STXBP5: variants seen among roughly 807,000 people sequenced by gnomAD.
STXBP5 encodes syntaxin binding protein 5.
A neutral mutation model predicts 152.4 loss-of-function variants in STXBP5; 50 were observed. That is an observed-to-expected ratio of 0.33 (90% CI 0.26 to 0.42). The LOEUF (loss-of-function observed/expected upper bound fraction) is 0.42, where lower values mean the gene tolerates loss of function less well. Among genes scored for constraint, STXBP5 ranks in the 10% least tolerant of loss-of-function variants. The pLI, the probability that STXBP5 is intolerant of heterozygous loss-of-function variation, is 1.00. For synonymous variants in STXBP5, 492 were observed against 494.7 expected (o/e 0.99, Z 0.07); for missense variants, 1,167 against 1,388.6 (o/e 0.84, Z 2.54).
intron 8 of STXBP5, among the ~76,000 whole-genome samples, chr6:147,286,021 A>G (rs1180693923): frequency 6.6e-6 from 1 of 152,166 alleles, no homozygotes; most frequent in Non-Finnish European, 1.5e-5. Flanking sequence ...AAACATTTAA[A>G]TTTTTTACTG....
At chr6:147,216,194 C>G (rs1475053533) in intron 2 of STXBP5, among the ~76,000 whole-genome samples, 13 of 152,038 alleles carry the variant, frequency 8.6e-5, no homozygotes, top group Admixed American at 7.2e-4. Context: ...GAGTTTGAGA[C>G]CAGCCTGACC....
At position 147,284,036 on chromosome 6, in the gene STXBP5, A is replaced by G. The variant is rs568265225; in HGVS notation, c.838+5832A>G. ...AACAGGTAAAACTAATTTTAATAAC[A>G]TATTCTTTAATCCCAAATATGCAAA... is the stretch of plus-strand genomic sequence containing the variant. On this transcript the variant is annotated intron_variant, in intron 8 of 27. Coordinates refer to ENST00000321680, the MANE Select transcript of STXBP5 (RefSeq NM_001127715.4). Among the ~76,000 whole-genome samples the G allele has an allele frequency of 2.0e-3, 300 of 152,380 alleles. 2 individuals are homozygous for G. Among genetic ancestry groups the G allele is most frequent in the South Asian group, 0.014 (70 of 4,834 alleles).
chr6:147,371,199 A>G (rs1051047724), intron 25 of STXBP5, among the ~76,000 whole-genome samples: 2 of 152,122 alleles, frequency 1.3e-5, no homozygotes, highest in African/African-American at 4.8e-5. Flanking sequence ...ATACACTAGC[A>G]TTAACATGAA....
chr6:147,370,049 A>G (rs1785471033), intron 25 of STXBP5, among the ~76,000 whole-genome samples: 1 of 152,088 alleles, frequency 6.6e-6, no homozygotes, highest in African/African-American at 2.4e-5. Context: ...AGTTTATCAT[A>G]CAGTAGAATT....
At chr6:147,266,990 C>T (rs1779926465) in intron 6 of STXBP5, 94 bp from the exon 7 acceptor site, 2 of 1,003,530 alleles carry the variant, frequency 2.0e-6, no homozygotes, top group Admixed American at 2.1e-5. Flanking sequence ...ATACTCAACG[C>T]ATTTGAATGA....
At chr6:147,224,695 T>A (rs948830743) in intron 2 of STXBP5, among the ~76,000 whole-genome samples, 2 of 152,226 alleles carry the variant, frequency 1.3e-5, no homozygotes, top group African/African-American at 2.4e-5. Context: ...CTTTTATTTA[T>A]TGACTTTCAT....
At chr6:147,327,782 A>AG (rs1405581005) in intron 18 of STXBP5, among the ~76,000 whole-genome samples, 3 of 152,130 alleles carry the variant, frequency 2.0e-5, no homozygotes, top group African/African-American at 7.2e-5. Context: ...TTGCACATTG[A>AG]GAAAGAACCA....
At chr6:147,363,789 T>TGGCTCACGCC in intron 24 of STXBP5, 85 bp downstream of exon 24, 1 of 1,504,002 alleles carries the variant, frequency 6.6e-7, no homozygotes, top group East Asian at 2.3e-5. Flanking sequence ...GAAATGCTTT[T>TGGCTCACGCC]TGTGTGTGTA....
Position 147,331,826 on chromosome 6 carries a change from A to AAC in STXBP5, c.2081-2325_2081-2324dup, listed in dbSNP as rs1554215904. Among the ~76,000 whole-genome samples the AAC allele has an allele frequency of 9.8e-4, 147 of 149,528 alleles. 2 individuals carry two copies. The highest frequency in any genetic ancestry group is 3.6e-3 in the East Asian group (18 of 4,950). On this transcript the variant is annotated intron_variant, in intron 18 of 27. Coordinates refer to ENST00000321680, the MANE Select transcript of STXBP5 (RefSeq NM_001127715.4). ...CAGTTAAAAAAAAAAAAAAAAAAAA[A>AAC]ACACACAAAACTCTAAGAGTGGCAA...
chr6:147,232,519 G>A (rs1480772554), intron 2 of STXBP5, among the ~76,000 whole-genome samples: 1 of 151,726 alleles, frequency 6.6e-6, no homozygotes, highest in Non-Finnish European at 1.5e-5. Flanking sequence ...GGCAGTTTTG[G>A]TGGTAGGACC....
In STXBP5 at chr6:147,384,890, G is replaced by C; in HGVS notation, c.*135G>C. On this transcript the variant is annotated 3_prime_UTR_variant, in exon 28 of 28. Coordinates refer to ENST00000321680, the MANE Select transcript of STXBP5 (RefSeq NM_001127715.4). Reference sequence around the variant, plus strand: ...TTCTTTCCTAGCACAGTCATGCACTGTTTTACCTCAGTCATGTGGCTTTAA... The same window carrying C: ...TTCTTTCCTAGCACAGTCATGCACTCTTTTACCTCAGTCATGTGGCTTTAA... The C allele has an allele frequency of 2.3e-6, 2 of 879,152 alleles. No homozygotes were observed. Among genetic ancestry groups the C allele is most frequent in the Non-Finnish European group, 3.6e-6 (2 of 551,624 alleles). The allele number at this position is 879,152 out of a possible 1,614,324, so 54.5% of individuals were successfully genotyped here.
At chr6:147,264,789 T>C (rs556471909) in intron 6 of STXBP5, among the ~76,000 whole-genome samples, 2 of 152,120 alleles carry the variant, frequency 1.3e-5, no homozygotes, top group Non-Finnish European at 2.9e-5. Flanking sequence ...ATATTTATTA[T>C]TCTCTTGCTT....
At chr6:147,292,265 C>G (rs1781316313) in intron 9 of STXBP5, 1 of 451,054 alleles carries the variant, frequency 2.2e-6, no homozygotes, top group African/African-American at 2.0e-5. Flanking sequence ...TGTTGAGATC[C>G]AACAGATATA....
chr6:147,285,028 A>G (rs1780890331), intron 8 of STXBP5, among the ~76,000 whole-genome samples: 1 of 152,134 alleles, frequency 6.6e-6, no homozygotes, highest in African/African-American at 2.4e-5. Flanking sequence ...ACATGTATGA[A>G]TGAAATTCTG....
chr6:147,353,072 T>C (rs1266944583), intron 21 of STXBP5, among the ~76,000 whole-genome samples: 1 of 151,782 alleles, frequency 6.6e-6, no homozygotes, highest in East Asian at 2.0e-4. Context: ...TGAGCCCAGA[T>C]GATTGAGGCT....
At chr6:147,275,270 T>C (rs1042559339) in intron 7 of STXBP5, among the ~76,000 whole-genome samples, 2 of 152,138 alleles carry the variant, frequency 1.3e-5, no homozygotes, top group Non-Finnish European at 2.9e-5. Context: ...AACCTTCTCA[T>C]AGTTACGATT....
chr6:147,368,363 T>C (rs1380117083), intron 25 of STXBP5, among the ~76,000 whole-genome samples: 1 of 152,170 alleles, frequency 6.6e-6, no homozygotes, highest in African/African-American at 2.4e-5. Flanking sequence ...GACCTAACGT[T>C]TGAAAATCAG....
At chr6:147,229,930 T>C (rs1582814254) in intron 2 of STXBP5, among the ~76,000 whole-genome samples, 1 of 152,116 alleles carries the variant, frequency 6.6e-6, no homozygotes, top group East Asian at 1.9e-4. Context: ...GCTGTCTTTT[T>C]CCCCATCTTA....
chr6:147,324,558 C>G (rs1160289077), intron 16 of STXBP5, among the ~76,000 whole-genome samples: 1 of 152,086 alleles, frequency 6.6e-6, no homozygotes, highest in Admixed American at 6.5e-5. Context: ...GCGTGAGCCA[C>G]TGCACCCAGC....
Sources: gnomAD v4.1 joint callset for allele counts (sites outside exome capture counted in the v4.1 genomes callset) on GRCh38, gnomAD v4.1.1 for gene constraint, MANE v1.5 for transcripts, NCBI Gene and HGNC (gene_info 2026-07-23, HGNC 2026-07-21) for gene names.